Variants in RAI1 observed in about 807,000 individuals in gnomAD.
The protein encoded by RAI1 is retinoic acid-induced protein 1.
Under a neutral mutation model 123.8 loss-of-function variants are expected in RAI1, and 9 were observed. The ratio of observed to expected loss-of-function variants is 0.07; its 90% CI spans 0.04 to 0.13. RAI1 has a LOEUF of 0.13. Ranked by LOEUF, RAI1 falls within the 10% of genes least tolerant of loss-of-function variation. The pLI is 1.00. For missense variants in RAI1, 2,256 were observed against 2,545.8 expected (o/e 0.89, Z 2.45); for synonymous variants, 1,231 against 1,127.3 (o/e 1.09, Z -1.84).
At chr17:17,781,104 C>T (rs553516107) in intron 2 of RAI1, among the ~76,000 whole-genome samples, 2 of 152,344 alleles carry the variant, frequency 1.3e-5, no homozygotes, top group South Asian at 4.1e-4. Flanking sequence ...CTGTCTCCTC[C>T]AGACTAGCTA....
At chr17:17,751,955 GT>G (rs371638150) in intron 2 of RAI1, among the ~76,000 whole-genome samples, 2 of 151,962 alleles carry the variant, frequency 1.3e-5, no homozygotes, top group South Asian at 2.1e-4. Flanking sequence ...CAAGGGCAGA[GT>G]TTTTTTTTAT....
At chr17:17,788,319 T>C (rs537620008) in intron 2 of RAI1, among the ~76,000 whole-genome samples, 12 of 152,288 alleles carry the variant, frequency 7.9e-5, no homozygotes, top group African/African-American at 2.6e-4. Context: ...ACCTCTTGTC[T>C]TGTGGGCTCC....
chr17:17,783,606 G>T (rs1462662963), intron 2 of RAI1, among the ~76,000 whole-genome samples: 1 of 152,122 alleles, frequency 6.6e-6, no homozygotes, highest in Non-Finnish European at 1.5e-5. Context: ...GCCCCAGCCG[G>T]GCTGCAGGAC....
intron 2 of RAI1, chr17:17,778,559 G>A (rs756619102): frequency 3.8e-4 from 137 of 361,652 alleles, no homozygotes; most frequent in Non-Finnish European, 1.9e-4. Flanking sequence ...AGCTGACCCC[G>A]GCACCAGAGT....
At chr17:17,727,154 A>G (rs1916120038) in intron 2 of RAI1, among the ~76,000 whole-genome samples, 1 of 152,200 alleles carries the variant, frequency 6.6e-6, no homozygotes, top group Non-Finnish European at 1.5e-5. Flanking sequence ...CGGCTTCTCT[A>G]GTTTTCCTTG....
At chr17:17,702,298 A>G (rs1308510400) in intron 1 of RAI1, among the ~76,000 whole-genome samples, 1 of 152,172 alleles carries the variant, frequency 6.6e-6, no homozygotes, top group Non-Finnish European at 1.5e-5. Context: ...TGCCAAGAGG[A>G]CCAAATTCAG....
At chr17:17,707,794 A>G (rs181605400) in intron 1 of RAI1, among the ~76,000 whole-genome samples, 2 of 152,244 alleles carry the variant, frequency 1.3e-5, no homozygotes, top group East Asian at 1.9e-4. Context: ...GGTTTTTGCC[A>G]TGTTGCCCAG....
chr17:17,750,749 C>T (rs1380607057), intron 2 of RAI1, among the ~76,000 whole-genome samples: 4 of 150,886 alleles, frequency 2.7e-5, no homozygotes, highest in Non-Finnish European at 5.9e-5. Flanking sequence ...GGAGATGCAG[C>T]AGCCAAAGGC....
intron 2 of RAI1, among the ~76,000 whole-genome samples, chr17:17,735,301 G>A (rs60920066): frequency 5.0e-4 from 75 of 150,720 alleles, no homozygotes; most frequent in African/African-American, 1.8e-3. Flanking sequence ...TGATCCACCC[G>A]CCTCGGCCTC....
chr17:17,743,313 A>G (rs1015631639), intron 2 of RAI1, among the ~76,000 whole-genome samples: 1 of 152,136 alleles, frequency 6.6e-6, no homozygotes, highest in Non-Finnish European at 1.5e-5. Context: ...AAGGCAGAAC[A>G]CTCACCATGG....
intron 1 of RAI1, among the ~76,000 whole-genome samples, chr17:17,708,429 T>C (rs60498626): frequency 0.4 from 32,607 of 81,368 alleles, 3,820 homozygotes; most frequent in African/African-American, 0.54. Context: ...CACACACACA[T>C]ATATATATAT....
At chr17:17,729,688 A>G (rs1251969436) in intron 2 of RAI1, among the ~76,000 whole-genome samples, 1 of 152,202 alleles carries the variant, frequency 6.6e-6, no homozygotes, top group East Asian at 1.9e-4. Flanking sequence ...ACAGAGGCCC[A>G]TTTGTGCATT....
intron 4 of RAI1, among the ~76,000 whole-genome samples, chr17:17,807,781 T>C (rs1198288273): frequency 6.6e-6 from 1 of 152,214 alleles, no homozygotes. Context: ...GATTTTAGCC[T>C]AGTGTCTTTG....
At chr17:17,729,257 G>A (rs951030048) in intron 2 of RAI1, among the ~76,000 whole-genome samples, 16 of 152,204 alleles carry the variant, frequency 1.1e-4, no homozygotes, top group Non-Finnish European at 1.9e-4. Flanking sequence ...GCCTTGCCTG[G>A]TTATCTGTCT....
chr17:17,755,131 C>T (rs771189641), intron 2 of RAI1, among the ~76,000 whole-genome samples: 17 of 152,246 alleles, frequency 1.1e-4, no homozygotes, highest in Non-Finnish European at 2.4e-4. Context: ...CAGCCTGAGC[C>T]TTCCTGTCAC....
Position 17,795,270 on chromosome 17 carries a change from G to A in RAI1, c.2322G>A (p.Lys774=). 1 of 1,613,708 alleles carries A rather than the reference G, an allele frequency of 6.2e-7. No homozygotes were observed. The highest frequency in any genetic ancestry group is 8.5e-7 in the Non-Finnish European group (1 of 1,179,782). The change falls in exon 3 of 6, where the codon AAG becomes AAA. Residue 774 remains lysine (K), a synonymous_variant. Transcript: ENST00000353383. The surrounding 1 kb of genome is among the most constrained non-coding windows in gnomAD (Gnocchi z 5.9). ...CCAAGGGCCTGGAGCAGGGTGGGAA[G>A]GCCTCAGATGGCATCAGCAAAGGGG... is the stretch of plus-strand genomic sequence containing the variant. The part of the protein sequence containing the change: ...ELTKGLEQGG[K]ASDGISKGDT...
chr17:17,733,956 C>T (rs957409733), intron 2 of RAI1, among the ~76,000 whole-genome samples: 3 of 152,144 alleles, frequency 2.0e-5, no homozygotes, highest in African/African-American at 7.2e-5. Flanking sequence ...ATCTTGGGCC[C>T]TGGGACCACG....
chr17:17,762,402 G>A (rs1037922080), intron 2 of RAI1, among the ~76,000 whole-genome samples: 1 of 151,954 alleles, frequency 6.6e-6, no homozygotes, highest in Non-Finnish European at 1.5e-5. Flanking sequence ...TGGGAGCGGG[G>A]TGGGAAATGA....
At chr17:17,731,796 G>C (rs1409618045) in intron 2 of RAI1, among the ~76,000 whole-genome samples, 1 of 152,204 alleles carries the variant, frequency 6.6e-6, no homozygotes, top group East Asian at 1.9e-4. Flanking sequence ...GCCCAGAGCA[G>C]CTCGGCCTAG....
Sources: gnomAD v4.1 joint callset for allele counts (sites outside exome capture counted in the v4.1 genomes callset) on GRCh38, gnomAD v4.1.1 for gene constraint, Gnocchi (gnomAD v3.1) non-coding constraint, MANE v1.5 for transcripts, NCBI Gene and HGNC (gene_info 2026-07-23, HGNC 2026-07-21) for gene names.